PTPRD: variants seen among roughly 807,000 people sequenced by gnomAD.
PTPRD encodes protein tyrosine phosphatase receptor type D.
PTPRD carries 34 observed loss-of-function variants against 214.5 expected under a neutral mutation model. The observed-to-expected ratio is 0.16, with a 90% CI of 0.12 to 0.21. The LOEUF (loss-of-function observed/expected upper bound fraction) is 0.21, where lower values mean the gene tolerates loss of function less well. Ranked by LOEUF, PTPRD falls within the 10% of genes least tolerant of loss-of-function variation. PTPRD has a pLI of 1.00. For missense variants in PTPRD, 2,545 were observed against 2,398.7 expected, an observed-to-expected ratio of 1.06 and a Z score of -1.27; for synonymous variants, 1,128 against 845.7, an observed-to-expected ratio of 1.33 and a Z score of -5.79.
rs539812125 is a variant in PTPRD at position 10,451,061 on chromosome 9, G to T, written c.-599-110044C>A. 2.1e-4 allele frequency among the ~76,000 whole-genome samples: 32 copies of T among 151,926 alleles called. No individual in the cohort carries two copies. The South Asian group carries it at 6.6e-3, about 31-fold the overall frequency. On this transcript the variant is annotated intron_variant, in intron 2 of 45. Transcript: ENST00000381196. ...TCTTGACACTTTACTCAAGAATTCT[G>T]CATTTTTATGTTTTTAGTCCACCAT...
At chr9:9,197,845 T>A (rs1345743793) in intron 9 of PTPRD, among the ~76,000 whole-genome samples, 1 of 152,238 alleles carries the variant, frequency 6.6e-6, no homozygotes, top group African/African-American at 2.4e-5. Context: ...TTTCTACTTT[T>A]TATCTTTTTC....
chr9:9,072,092 T>A (rs1216177620), intron 10 of PTPRD, among the ~76,000 whole-genome samples: 1 of 152,096 alleles, frequency 6.6e-6, no homozygotes, highest in African/African-American at 2.4e-5. Context: ...AGGATAATTT[T>A]AAAAAATGTT....
chr9:10,326,691 A>G (rs1408903222), intron 3 of PTPRD, among the ~76,000 whole-genome samples: 1 of 151,610 alleles, frequency 6.6e-6, no homozygotes, highest in East Asian at 1.9e-4. Context: ...AAAAGCATCT[A>G]TAAAACCTAC....
chr9:10,151,830 A>G (rs900530194), intron 3 of PTPRD, among the ~76,000 whole-genome samples: 4 of 152,170 alleles, frequency 2.6e-5, no homozygotes, highest in Non-Finnish European at 4.4e-5. Flanking sequence ...CCAGAATCCT[A>G]CAATAGCTAG....
chr9:9,455,241 T>C (rs551837661), intron 8 of PTPRD, among the ~76,000 whole-genome samples: 3 of 151,764 alleles, frequency 2.0e-5, no homozygotes, highest in East Asian at 1.9e-4. Flanking sequence ...TTGAGAGATG[T>C]AGATGGGAAA....
At chr9:8,362,174 C>A (rs559386647) in intron 39 of PTPRD, among the ~76,000 whole-genome samples, 3 of 152,296 alleles carry the variant, frequency 2.0e-5, no homozygotes, top group Admixed American at 6.5e-5. Context: ...TATTCCTAAG[C>A]CTTTAGAAAA....
intron 4 of PTPRD, among the ~76,000 whole-genome samples, chr9:9,994,055 A>G (rs2096043119): frequency 6.6e-6 from 1 of 152,158 alleles, no homozygotes; most frequent in Admixed American, 6.5e-5. Context: ...CATTGTACAA[A>G]TAAGAAAACT....
At chr9:9,924,980 A>G (rs2083764767) in intron 5 of PTPRD, among the ~76,000 whole-genome samples, 1 of 152,126 alleles carries the variant, frequency 6.6e-6, no homozygotes, top group South Asian at 2.1e-4. Flanking sequence ...CACAAATAAA[A>G]TATGTTTACT....
At position 8,950,746 on chromosome 9, in the gene PTPRD, C is replaced by T. The variant is rs549723637; in HGVS notation, c.-104+67951G>A. On this transcript the variant is annotated intron_variant, in intron 11 of 45. Coordinates refer to ENST00000381196, the MANE Select transcript of PTPRD (RefSeq NM_002839.4). ...AATAGAGCTTGAAAGAATCTAAGAG[C>T]GATTCCTGACCCACTCTGAACCTTC... Among the ~76,000 whole-genome samples the T allele has an allele frequency of 1.7e-4, 25 of 150,530 alleles. No homozygotes were observed. The East Asian group carries it at 1.9e-3, about 12-fold the overall frequency.
At position 9,528,950 on chromosome 9, in the gene PTPRD, T is replaced by C. The variant is rs1267760420; in HGVS notation, c.-237+45782A>G. Among the ~76,000 whole-genome samples the C allele has an allele frequency of 2.0e-5, 3 of 150,278 alleles. No individual in the cohort carries two copies. The East Asian group carries it at 5.9e-4, about 29-fold the overall frequency. ...TCTTTGTTTGTTTCTTTTTTTTTTT[T>C]TTTTTTGAGGCAGAGTCTCACCCTG... On this transcript the variant is annotated intron_variant, in intron 8 of 45. Coordinates refer to ENST00000381196, the MANE Select transcript of PTPRD (RefSeq NM_002839.4).
rs1440600962 is a variant in PTPRD at position 9,332,368 on chromosome 9, T to C, written c.-203+65081A>G. ...AATATTTATCCCTCAGATAACTAGA[T>C]GATCTACATACCTCATAGTATATTC... is the stretch of plus-strand genomic sequence containing the variant. On this transcript the variant is annotated intron_variant, in intron 9 of 45. Transcript: ENST00000381196. Among the ~76,000 whole-genome samples, 6 of 152,074 alleles carry C rather than the reference T, an allele frequency of 3.9e-5. No homozygotes were observed. In the East Asian group the frequency reaches 9.7e-4, roughly 24 times the overall value.
At chr9:9,624,445 G>C (rs1317341249) in intron 7 of PTPRD, among the ~76,000 whole-genome samples, 1 of 151,676 alleles carries the variant, frequency 6.6e-6, no homozygotes, top group Non-Finnish European at 1.5e-5. Context: ...ACCATGTCTG[G>C]CTAATTTTTT....
chr9:9,064,271 G>A (rs1413142540), intron 10 of PTPRD, among the ~76,000 whole-genome samples: 1 of 152,056 alleles, frequency 6.6e-6, no homozygotes, highest in Non-Finnish European at 1.5e-5. Context: ...TGTTTAGCAG[G>A]ATTAAAAATA....
chr9:9,746,800 A>G (rs2098462735), intron 6 of PTPRD, among the ~76,000 whole-genome samples: 2 of 151,054 alleles, frequency 1.3e-5, no homozygotes, highest in African/African-American at 2.5e-5. Context: ...AAGATAGACA[A>G]GATGTGCTTG....
chr9:9,754,820 G>A (rs1013565524), intron 6 of PTPRD, among the ~76,000 whole-genome samples: 1 of 151,998 alleles, frequency 6.6e-6, no homozygotes, highest in Non-Finnish European at 1.5e-5. Flanking sequence ...TGAATAAGCT[G>A]TCACGTTCTA....
At chr9:9,894,297 C>G (rs555770169) in intron 5 of PTPRD, among the ~76,000 whole-genome samples, 1 of 152,084 alleles carries the variant, frequency 6.6e-6, no homozygotes, top group South Asian at 2.1e-4. Flanking sequence ...ATTATAGTAT[C>G]TCCTCATACT....
chr9:8,353,214 TTTTG>T (rs2075987502), intron 39 of PTPRD, among the ~76,000 whole-genome samples: 2 of 152,188 alleles, frequency 1.3e-5, no homozygotes, highest in African/African-American at 4.8e-5. Context: ...CATTTTGTCC[TTTTG>T]TTTGACTCCT....
chr9:10,200,195 A>G (rs2099414052), intron 3 of PTPRD, among the ~76,000 whole-genome samples: 1 of 151,778 alleles, frequency 6.6e-6, no homozygotes, highest in African/African-American at 2.4e-5. Flanking sequence ...AATGCTAATT[A>G]ACAAAGAGAC....
chr9:8,775,484 A>C (rs933638676), intron 11 of PTPRD, among the ~76,000 whole-genome samples: 1 of 152,228 alleles, frequency 6.6e-6, no homozygotes, highest in Non-Finnish European at 1.5e-5. Flanking sequence ...GATGCAGTAC[A>C]TAACAGGTAT....
Sources: allele counts gnomAD v4.1 joint callset (sites outside exome capture counted in the v4.1 genomes callset), GRCh38; gene constraint gnomAD v4.1.1; transcripts MANE v1.5; gene names NCBI Gene and HGNC (gene_info 2026-07-23, HGNC 2026-07-21).